EGFLAM: variants seen among roughly 807,000 people sequenced by gnomAD.
The protein encoded by EGFLAM is pikachurin.
In EGFLAM, 79 loss-of-function variants were observed where a neutral mutation model predicts 113.1. The observed-to-expected ratio is 0.70, with a 90% CI of 0.58 to 0.84. The LOEUF is 0.84. EGFLAM is among the 40% of genes least tolerant of loss of function. EGFLAM has a pLI of 0.00. For missense variants in EGFLAM, 1,265 were observed against 1,291.6 expected (o/e 0.98, Z 0.32); for synonymous variants, 504 against 487.6 (o/e 1.03, Z -0.44).
chr5:38,304,138 A>AAAG, intron 1 of EGFLAM, among the ~76,000 whole-genome samples: 1 of 152,102 alleles, frequency 6.6e-6, no homozygotes, highest in East Asian at 1.9e-4. Flanking sequence ...AAAAAAAAAA[A>AAAG]AAAGAAAGAA....
chr5:38,431,564 GCCTC>G (rs1742188454), intron 15 of EGFLAM, among the ~76,000 whole-genome samples: 1 of 152,072 alleles, frequency 6.6e-6, no homozygotes, highest in Non-Finnish European at 1.5e-5. Flanking sequence ...TCACCTCTTC[GCCTC>G]CCAACTCCAC....
intron 11 of EGFLAM, among the ~76,000 whole-genome samples, chr5:38,416,532 A>T (rs1741647693): frequency 6.6e-6 from 1 of 152,178 alleles, no homozygotes; most frequent in Non-Finnish European, 1.5e-5. Flanking sequence ...TCAGAAGGCA[A>T]CCCTCATCTG....
chr5:38,357,763 C>G (rs374917950), intron 5 of EGFLAM, among the ~76,000 whole-genome samples: 1 of 151,990 alleles, frequency 6.6e-6, no homozygotes, highest in Admixed American at 6.6e-5. Context: ...AGTTCTCTCT[C>G]TGTCCTCATG....
At chr5:38,332,774 T>C (rs2111930481) in intron 1 of EGFLAM, among the ~76,000 whole-genome samples, 1 of 152,372 alleles carries the variant, frequency 6.6e-6, no homozygotes, top group Non-Finnish European at 1.5e-5. Flanking sequence ...ACTCATGCTA[T>C]TGTTTGTGGT....
At chr5:38,260,782 C>T (rs1757481915) in intron 1 of EGFLAM, among the ~76,000 whole-genome samples, 2 of 152,166 alleles carry the variant, frequency 1.3e-5, no homozygotes, top group African/African-American at 4.8e-5. Context: ...GGAAATTTCC[C>T]TCCTGGGCTC....
intron 6 of EGFLAM, 72 bp from the exon 7 acceptor site, chr5:38,406,054 G>T: frequency 5.9e-6 from 7 of 1,186,856 alleles, no homozygotes; most frequent in Non-Finnish European, 8.9e-6. Flanking sequence ...TCTGCCTGTG[G>T]CTGAGTTAGG....
chr5:38,283,794 A>G (rs189138850), intron 1 of EGFLAM: 3 of 152,330 alleles, frequency 2.0e-5, no homozygotes, highest in Admixed American at 1.3e-4. Context: ...TGCCTTTTGA[A>G]TTTAGTCTTT....
rs143187085 is a variant in EGFLAM, at chr5:38,378,662, C to T, written c.712+8200C>T. 1.4e-3 allele frequency among the ~76,000 whole-genome samples: 216 copies of T among 152,286 alleles called. 1 individual carries two copies. Among genetic ancestry groups the T allele is most frequent in the African/African-American group, 4.8e-3 (198 of 41,558 alleles). On this transcript the variant is annotated intron_variant, in intron 6 of 21. Transcript: ENST00000322350. Reference sequence around the variant, plus strand: ...AGTTCTTGCCAACCTTTACACTATTCACTGCCCCCAAGCATCTGTACCTTT... The same window carrying T: ...AGTTCTTGCCAACCTTTACACTATTTACTGCCCCCAAGCATCTGTACCTTT...
intron 3 of EGFLAM, among the ~76,000 whole-genome samples, chr5:38,341,914 GT>G (rs11296362): frequency 0.013 from 1,830 of 142,468 alleles, 33 homozygotes; most frequent in African/African-American, 0.036. Context: ...ACTCATGCAA[GT>G]TTTTTTTTTT....
intron 17 of EGFLAM, chr5:38,445,819 T>C: frequency 8.8e-7 from 1 of 1,134,304 alleles, no homozygotes; most frequent in Non-Finnish European, 1.3e-6. Flanking sequence ...CTACGCGTGG[T>C]GGGAAGCCTC....
chr5:38,347,563 G>C (rs1739506309), intron 3 of EGFLAM, among the ~76,000 whole-genome samples: 1 of 152,154 alleles, frequency 6.6e-6, no homozygotes, highest in African/African-American at 2.4e-5. Context: ...GGGTGAGCCA[G>C]GCAGGAGTAG....
intron 1 of EGFLAM, among the ~76,000 whole-genome samples, chr5:38,336,616 C>G (rs1739194520): frequency 6.9e-6 from 1 of 143,982 alleles, no homozygotes; most frequent in African/African-American, 2.7e-5. Context: ...CAGACACACA[C>G]AAAGCTGAGC....
intron 12 of EGFLAM, 68 bp from the exon 13 acceptor site, chr5:38,424,899 G>T: frequency 6.3e-7 from 1 of 1,580,106 alleles, no homozygotes; most frequent in Non-Finnish European, 8.6e-7. Flanking sequence ...CTGCTGGTGG[G>T]GTCAGCGCCA....
chr5:38,451,663 G>C, intron 19 of EGFLAM: 3 of 673,632 alleles, frequency 4.5e-6, no homozygotes, highest in Non-Finnish European at 7.0e-6. Context: ...TGGCCTGCAG[G>C]CCAAATCTGA....
chr5:38,337,479 T>A, intron 1 of EGFLAM, 41 bp from the exon 2 acceptor site: 1 of 1,523,672 alleles, frequency 6.6e-7, no homozygotes, highest in Non-Finnish European at 8.9e-7. Flanking sequence ...CAAGGTGGGA[T>A]GTGTGGAGCC....
chr5:38,329,975 C>A (rs1481718110), intron 1 of EGFLAM, among the ~76,000 whole-genome samples: 1 of 152,070 alleles, frequency 6.6e-6, no homozygotes, highest in Non-Finnish European at 1.5e-5. Flanking sequence ...AGGAGTCATA[C>A]CTAACCAGGT....
At chr5:38,423,767 G>A (rs981054765) in intron 12 of EGFLAM, among the ~76,000 whole-genome samples, 2 of 152,186 alleles carry the variant, frequency 1.3e-5, no homozygotes, top group African/African-American at 4.8e-5. Context: ...CCCCAGCTGG[G>A]GAGGCAAGCC....
chr5:38,450,420 C>T (rs1178784280), intron 18 of EGFLAM, among the ~76,000 whole-genome samples: 8 of 152,298 alleles, frequency 5.3e-5, no homozygotes, highest in Non-Finnish European at 1.0e-4. Flanking sequence ...CCACTGTTCA[C>T]GATTGAGGAC....
At chr5:38,270,537 T>C (rs896107158) in intron 1 of EGFLAM, among the ~76,000 whole-genome samples, 3 of 152,044 alleles carry the variant, frequency 2.0e-5, no homozygotes, top group African/African-American at 7.3e-5. Context: ...TTTTAAGTAA[T>C]TGACAAGCTT....
Sources: gnomAD v4.1 joint callset for allele counts (sites outside exome capture counted in the v4.1 genomes callset) on GRCh38, gnomAD v4.1.1 for gene constraint, MANE v1.5 for transcripts, NCBI Gene and HGNC (gene_info 2026-07-23, HGNC 2026-07-21) for gene names.